MTUS2: variants seen among roughly 807,000 people sequenced by gnomAD.
MTUS2 encodes microtubule associated scaffold protein 2, also known as microtubule-associated tumor suppressor candidate 2.
Under a neutral mutation model 114.1 loss-of-function variants are expected in MTUS2, and 40 were observed. The ratio of observed to expected loss-of-function variants is 0.35; its 90% CI spans 0.27 to 0.46. The LOEUF (loss-of-function observed/expected upper bound fraction) is 0.46. Among genes scored for constraint, MTUS2 ranks in the 20% least tolerant of loss-of-function variants. The pLI is 1.00. For synonymous variants in MTUS2, 688 were observed against 672.0 expected, an observed-to-expected ratio of 1.02 and a Z score of -0.37; for missense variants, 1,679 against 1,705.4, an observed-to-expected ratio of 0.98 and a Z score of 0.27.
intron 4 of MTUS2, among the ~76,000 whole-genome samples, chr13:29,044,363 G>A (rs1327158414): frequency 6.6e-6 from 1 of 152,058 alleles, no homozygotes; most frequent in East Asian, 1.9e-4. Context: ...CCTTAAAGAT[G>A]TTCTCTTTTT....
chr13:29,393,690 G>A (rs372466412), intron 8 of MTUS2, among the ~76,000 whole-genome samples: 5 of 152,152 alleles, frequency 3.3e-5, no homozygotes, highest in South Asian at 2.1e-4. Context: ...AGTTAAGAAC[G>A]CATGCCCGTG....
chr13:29,041,968 G>T (rs1887383513), intron 4 of MTUS2, among the ~76,000 whole-genome samples: 1 of 152,080 alleles, frequency 6.6e-6, no homozygotes, highest in Non-Finnish European at 1.5e-5. Context: ...TCTTTCACTT[G>T]TCTGATTGCT....
rs564253123 is a variant in MTUS2, at chr13:29,501,857, A to T, written c.3896+663A>T. On this transcript the variant is annotated intron_variant, in intron 15 of 15. Coordinates refer to ENST00000612955, the MANE Select transcript of MTUS2 (RefSeq NM_001033602.4). ...ACTCACACAGGCACTGCTCACTCAC[A>T]CACACACTTGCATATTCCCACTCAG... 4.3e-4 allele frequency among the ~76,000 whole-genome samples: 64 copies of T among 150,364 alleles called. No individual in the cohort carries two copies. In the Middle Eastern group the frequency reaches 0.014, roughly 32 times the overall value.
At chr13:28,949,761 A>C (rs1882718316) in intron 2 of MTUS2, among the ~76,000 whole-genome samples, 1 of 152,188 alleles carries the variant, frequency 6.6e-6, no homozygotes, top group Admixed American at 6.5e-5. Context: ...CCCAAGGTTC[A>C]TCCATGTTAT....
chr13:29,201,007 T>C (rs910846279), intron 5 of MTUS2, among the ~76,000 whole-genome samples: 4 of 152,192 alleles, frequency 2.6e-5, no homozygotes, highest in African/African-American at 9.7e-5. Flanking sequence ...TGGAGAGTTC[T>C]GTGGATGTCT....
At chr13:28,852,319 GAT>G (rs1215616777) in intron 2 of MTUS2, among the ~76,000 whole-genome samples, 2 of 152,094 alleles carry the variant, frequency 1.3e-5, no homozygotes, top group Non-Finnish European at 2.9e-5. Flanking sequence ...GCTCTGGGAG[GAT>G]GACTGTATGG....
rs557718975 is a variant in MTUS2 at position 29,435,939 on chromosome 13, C to G, written c.3118-4044C>G. Among the ~76,000 whole-genome samples, 10 of 152,310 alleles carry G rather than the reference C, an allele frequency of 6.6e-5. No individual in the cohort carries two copies. The South Asian group carries it at 1.2e-3, about 19-fold the overall frequency. On this transcript the variant is annotated intron_variant, in intron 8 of 15. Transcript: ENST00000612955. ...CTAGAAGCTGGTGGGGAAAACTAAA[C>G]AACTACTCTCTCAGAAGTTATAGCC... is the stretch of plus-strand genomic sequence containing the variant.
chr13:29,426,274 A>G lies in MTUS2; in HGVS notation c.3118-13709A>G, dbSNP rs34750143. On this transcript the variant is annotated intron_variant, in intron 8 of 15. Transcript: ENST00000612955. Reference sequence around the variant, plus strand: ...GTGTACAGTTTATTGTTAAGTACACATGATCCTCAACTTACAACAGGGTTA... The same window carrying G: ...GTGTACAGTTTATTGTTAAGTACACGTGATCCTCAACTTACAACAGGGTTA... 6.1e-3 allele frequency among the ~76,000 whole-genome samples: 924 copies of G among 152,370 alleles called. 12 individuals are homozygous for G. Among genetic ancestry groups the G allele is most frequent in the Non-Finnish European group, 9.3e-3 (635 of 68,032 alleles).
intron 2 of MTUS2, among the ~76,000 whole-genome samples, chr13:28,878,261 G>A (rs1168556936): frequency 6.6e-6 from 1 of 150,694 alleles, no homozygotes; most frequent in African/African-American, 2.5e-5. Flanking sequence ...GTGTGTGTGT[G>A]TATATGTGTA....
At chr13:29,402,391 A>G (rs1236415864) in intron 8 of MTUS2, among the ~76,000 whole-genome samples, 2 of 152,210 alleles carry the variant, frequency 1.3e-5, no homozygotes, top group Non-Finnish European at 2.9e-5. Flanking sequence ...TAGTAGAGCC[A>G]GAAGCTGAGA....
chr13:28,977,929 A>G (rs1224457376), intron 2 of MTUS2, among the ~76,000 whole-genome samples: 1 of 152,200 alleles, frequency 6.6e-6, no homozygotes, highest in Non-Finnish European at 1.5e-5. Context: ...GCCAGCTGTA[A>G]TACATACACT....
At chr13:29,347,655 T>A (rs1868838870) in intron 7 of MTUS2, among the ~76,000 whole-genome samples, 1 of 152,130 alleles carries the variant, frequency 6.6e-6, no homozygotes, top group African/African-American at 2.4e-5. Context: ...GATTCAAGTA[T>A]AACACTAATT....
At position 29,024,839 on chromosome 13, in the gene MTUS2, T is replaced by G; in HGVS notation, c.141T>G (p.Ser47=). 1.2e-6 allele frequency: 2 copies of G among 1,614,010 alleles called. No individual in the cohort carries two copies. Among genetic ancestry groups the G allele is most frequent in the Non-Finnish European group, 1.7e-6 (2 of 1,179,886 alleles). The change falls in exon 3 of 16, where the codon TCT becomes TCG. Residue 47 remains serine, a synonymous_variant. Coordinates refer to ENST00000612955, the MANE Select transcript of MTUS2 (RefSeq NM_001033602.4). Reference sequence around the variant, plus strand: ...AAATCATGTTGGAGGTCAGCTCCTCTCATGACGAGTCCAAGACATGTGACC... The same window carrying G: ...AAATCATGTTGGAGGTCAGCTCCTCGCATGACGAGTCCAAGACATGTGACC... The part of the protein sequence containing the change: ...ANQIMLEVSS[S]HDESKTCDLG...
Position 29,324,662 on chromosome 13 carries a change from T to G in MTUS2, c.2856T>G (p.Val952=). The change falls in exon 7 of 16, where the codon GTT becomes GTG. Residue 952 remains valine (V), a synonymous_variant. Transcript: ENST00000612955. ...QKDQDTNKPA[V]SSPKRVAAST... is the part of the protein sequence containing the mutation. ...ATCAAGATACGAATAAACCTGCTGTTTCATCTCCTAAGAGAGTAGCAGCTT... is the reference window on the plus strand; with the variant it reads ...ATCAAGATACGAATAAACCTGCTGTGTCATCTCCTAAGAGAGTAGCAGCTT... 6.3e-7 allele frequency: 1 copy of G among 1,598,720 alleles called. No homozygotes were observed. Among genetic ancestry groups the G allele is most frequent in the Non-Finnish European group, 8.5e-7 (1 of 1,172,254 alleles).
chr13:29,355,824 G>A (rs373048355), intron 7 of MTUS2, among the ~76,000 whole-genome samples: 5 of 152,152 alleles, frequency 3.3e-5, no homozygotes, highest in Non-Finnish European at 5.9e-5. Flanking sequence ...TAACAGTTCG[G>A]TAGTGTACTA....
At chr13:28,935,194 T>G (rs1220317522) in intron 2 of MTUS2, among the ~76,000 whole-genome samples, 3 of 152,094 alleles carry the variant, frequency 2.0e-5, no homozygotes, top group Non-Finnish European at 4.4e-5. Context: ...ACTTTATCCA[T>G]TCTACTGTTT....
intron 5 of MTUS2, among the ~76,000 whole-genome samples, chr13:29,163,145 A>T (rs1893171885): frequency 6.6e-6 from 1 of 152,348 alleles, no homozygotes; most frequent in African/African-American, 2.4e-5. Context: ...CTCAGTAATC[A>T]AGATAAATAA....
At chr13:29,118,983 T>G (rs1044355995) in intron 5 of MTUS2, among the ~76,000 whole-genome samples, 4 of 152,174 alleles carry the variant, frequency 2.6e-5, no homozygotes, top group Non-Finnish European at 5.9e-5. Flanking sequence ...CAAGTTTGCT[T>G]CTTCTCATGT....
intron 8 of MTUS2, among the ~76,000 whole-genome samples, chr13:29,409,372 C>T (rs1166642053): frequency 6.6e-6 from 1 of 152,088 alleles, no homozygotes; most frequent in Non-Finnish European, 1.5e-5. Flanking sequence ...TTATCTTTAG[C>T]CTTATATGCT....
Sources: allele counts gnomAD v4.1 joint callset (sites outside exome capture counted in the v4.1 genomes callset), GRCh38; gene constraint gnomAD v4.1.1; transcripts MANE v1.5; gene names NCBI Gene and HGNC (gene_info 2026-07-23, HGNC 2026-07-21).